The following ATAD3B variants were observed in gnomAD, a reference collection of about 807,000 sequenced individuals.
ATAD3B encodes ATPase family AAA domain-containing protein 3B.
Under a neutral mutation model 70.2 loss-of-function variants are expected in ATAD3B, and 59 were observed. That is an observed-to-expected ratio of 0.84 (90% confidence interval 0.68 to 1.04). The LOEUF (loss-of-function observed/expected upper bound fraction) is 1.04. ATAD3B is among the 50% of genes least tolerant of loss of function. ATAD3B has a pLI of 0.00. For missense variants in ATAD3B, 961 were observed against 913.4 expected (o/e 1.05, Z -0.67); for synonymous variants, 423 against 388.6 (o/e 1.09, Z -1.04).
the ATAD3B span, among the ~76,000 whole-genome samples, chr1:1,507,023 G>A: frequency 1.3e-5 from 2 of 152,076 alleles, no homozygotes; most frequent in African/African-American, 4.8e-5. Flanking sequence ...CCCTGACTTC[G>A]TGATCTGCCC....
At chr1:1,488,754 G>A (rs1319131922) in intron 12 of ATAD3B, among the ~76,000 whole-genome samples, 5 of 151,122 alleles carry the variant, frequency 3.3e-5, no homozygotes, top group South Asian at 4.2e-4. Context: ...ACAAGACTTC[G>A]TCTCAAAAAA....
At chr1:1,488,041 G>A (rs1640329509) in intron 12 of ATAD3B, 127 bp downstream of exon 12, 3 of 1,345,354 alleles carry the variant, frequency 2.2e-6, no homozygotes, top group Admixed American at 1.7e-5. Context: ...TGCAACCTCT[G>A]CCTCCTGGGT....
chr1:1,478,607 T>C, intron 2 of ATAD3B, 37 bp from the exon 3 acceptor site: 4 of 1,549,520 alleles, frequency 2.6e-6, no homozygotes, highest in Non-Finnish European at 3.5e-6. Flanking sequence ...GTGCCAGCCC[T>C]GAGCAAGTGC....
At chr1:1,480,210 C>A (rs558104507) in intron 4 of ATAD3B, among the ~76,000 whole-genome samples, 1 of 133,618 alleles carries the variant, frequency 7.5e-6, no homozygotes, top group Admixed American at 7.6e-5. Context: ...CCACACACCC[C>A]CGCACCCATG....
At chr1:1,473,191 G>C (rs139809731) in intron 1 of ATAD3B, among the ~76,000 whole-genome samples, 1,436 of 138,974 alleles carry the variant, frequency 0.01, 40 homozygotes, top group African/African-American at 0.037. Context: ...CCAGGCTGGA[G>C]TGCAGTGACG....
At chr1:1,489,014 C>T (rs944111558) in intron 12 of ATAD3B, among the ~76,000 whole-genome samples, 190 bp from the exon 13 acceptor site, 1 of 151,870 alleles carries the variant, frequency 6.6e-6, no homozygotes, top group African/African-American at 2.4e-5. Flanking sequence ...CCGCCTGCCT[C>T]AGCCTCCCAA....
chr1:1,478,485 T>C, intron 2 of ATAD3B, 159 bp from the exon 3 acceptor site: 6 of 1,548,466 alleles, frequency 3.9e-6, no homozygotes, highest in Non-Finnish European at 5.2e-6. Flanking sequence ...CTCCAGGGCC[T>C]GATCCTGGGT....
Position 1,473,134 on chromosome 1 carries a change from CTTTTTT to C in ATAD3B, c.205+1064_205+1069del, listed in dbSNP as rs569834397. Among the ~76,000 whole-genome samples the C allele has an allele frequency of 2.1e-4, 18 of 84,394 alleles. 1 individual carries two copies. Among genetic ancestry groups the C allele is most frequent in the Middle Eastern group, 0.011 (1 of 92 alleles). The allele number at this position is 84,394 out of a possible 152,430, so 55.4% of individuals were successfully genotyped here. On this transcript the variant is annotated intron_variant, in intron 1 of 15. Coordinates refer to ENST00000673477, the MANE Select transcript of ATAD3B (RefSeq NM_031921.6). Reference sequence around the variant, plus strand: ...CACAGCGCCCAGACAGAAGGGATTCCTTTTTTTTTTTTTTTTTTTTTTTTGAGATGA... The same window carrying C: ...CACAGCGCCCAGACAGAAGGGATTCCTTTTTTTTTTTTTTTTTTGAGATGA...
chr1:1,505,906 A>G, the ATAD3B span, among the ~76,000 whole-genome samples: 1 of 152,176 alleles, frequency 6.6e-6, no homozygotes, highest in Non-Finnish European at 1.5e-5. Context: ...ACACTGGAAC[A>G]GCTCGTGCCC....
intron 5 of ATAD3B, 46 bp downstream of exon 5, chr1:1,480,982 C>T (rs1292438609): frequency 6.3e-7 from 1 of 1,580,692 alleles, no homozygotes; most frequent in East Asian, 2.4e-5. Flanking sequence ...GCGGGGGCTG[C>T]TTGTGGATCC....
At position 1,485,251 on chromosome 1, in the gene ATAD3B, C is replaced by T. The variant is rs1302221329; in HGVS notation, c.906+80C>T. 4.7e-4 allele frequency: 729 copies of T among 1,548,676 alleles called. 2 individuals carry two copies. The highest frequency in any genetic ancestry group is 6.3e-4 in the East Asian group (27 of 43,192). ...GCCCCACGAGCACAGCCCACGCACA[C>T]CCTCCCGTCCCTTCCCTTTCCCCGG... On this transcript the variant is annotated intron_variant, in intron 8 of 15. Transcript: ENST00000673477.
intron 1 of ATAD3B, among the ~76,000 whole-genome samples, chr1:1,474,188 C>CTTTTCTTT (rs930334326): frequency 8.3e-5 from 12 of 144,812 alleles, no homozygotes; most frequent in Admixed American, 3.4e-4. Flanking sequence ...TTTCTTTTTT[C>CTTTTCTTT]TTTTCTTTTT....
At chr1:1,499,055 T>A (rs536052162), downstream of ATAD3B, among the ~76,000 whole-genome samples, 39 of 150,830 alleles carry the variant, frequency 2.6e-4, no homozygotes, top group African/African-American at 9.0e-4. Flanking sequence ...CACTGCAAGC[T>A]CCACCTCCCG....
intron 13 of ATAD3B, chr1:1,489,753 G>A: frequency 7.6e-7 from 1 of 1,307,608 alleles, no homozygotes; most frequent in African/African-American, 1.5e-5. Flanking sequence ...GACTCTTCAG[G>A]CACGTTGGGC....
At chr1:1,495,328 G>C (rs370118521) in intron 15 of ATAD3B, among the ~76,000 whole-genome samples, 157 bp from the exon 16 acceptor site, 1 of 151,966 alleles carries the variant, frequency 6.6e-6, no homozygotes, top group Middle Eastern at 3.2e-3. Flanking sequence ...GTGTCCACAC[G>C]CGTGCTGGGC....
downstream of ATAD3B, among the ~76,000 whole-genome samples, chr1:1,501,115 G>A (rs1640935592): frequency 6.6e-6 from 1 of 152,064 alleles, no homozygotes; most frequent in Admixed American, 6.5e-5. Flanking sequence ...TTGAGATGGA[G>A]TCTTACTCTG....
chr1:1,508,443 G>A, the ATAD3B span, among the ~76,000 whole-genome samples: 1 of 151,350 alleles, frequency 6.6e-6, no homozygotes, highest in East Asian at 1.9e-4. Flanking sequence ...CTGGGATGGG[G>A]CTAGGGACCC....
At chr1:1,480,181 ACACCCCCACCCCC>A (rs1639833813) in intron 4 of ATAD3B, among the ~76,000 whole-genome samples, 1 of 121,990 alleles carries the variant, frequency 8.2e-6, no homozygotes, top group Non-Finnish European at 1.7e-5. Context: ...ACACGAGGGC[ACACCCCCACCCCC>A]CACCCCCACA....
chr1:1,485,631 C>G (rs760887854), intron 8 of ATAD3B, 151 bp from the exon 9 acceptor site: 1 of 1,306,114 alleles, frequency 7.7e-7, no homozygotes, highest in Non-Finnish European at 1.1e-6. Context: ...CTCCTGGTCT[C>G]CCGGCGGGGC....
Sources: allele counts gnomAD v4.1 joint callset (sites outside exome capture counted in the v4.1 genomes callset), GRCh38; gene constraint gnomAD v4.1.1; transcripts MANE v1.5; gene names NCBI Gene and HGNC (gene_info 2026-07-23, HGNC 2026-07-21).